The following MAPKAP1 variants were observed in gnomAD, a reference collection of about 807,000 sequenced individuals.
MAPKAP1 encodes target of rapamycin complex 2 subunit MAPKAP1.
Under a neutral mutation model 65.7 loss-of-function variants are expected in MAPKAP1, and 20 were observed. The ratio of observed to expected loss-of-function variants is 0.30; its 90% confidence interval spans 0.21 to 0.44. The LOEUF (loss-of-function observed/expected upper bound fraction) is 0.44. Among genes scored for constraint, MAPKAP1 ranks in the 20% least tolerant of loss-of-function variants. The pLI, the probability that MAPKAP1 is intolerant of heterozygous loss-of-function variation, is 1.00. For missense variants in MAPKAP1, 423 were observed against 648.0 expected (o/e 0.65, Z 3.77); for synonymous variants, 222 against 244.3 (o/e 0.91, Z 0.85).
chr9:125,530,865 C>T (rs1282623333), intron 7 of MAPKAP1, among the ~76,000 whole-genome samples: 1 of 152,192 alleles, frequency 6.6e-6, no homozygotes. Flanking sequence ...GGTTTTATGG[C>T]GTGCCTGGCA....
intron 6 of MAPKAP1, among the ~76,000 whole-genome samples, chr9:125,553,146 C>G (rs1379896937): frequency 6.6e-6 from 1 of 152,062 alleles, no homozygotes; most frequent in Non-Finnish European, 1.5e-5. Flanking sequence ...CTTCCATGTT[C>G]CCCATTTTCC....
chr9:125,477,850 G>A (rs1854166751), intron 9 of MAPKAP1, among the ~76,000 whole-genome samples: 1 of 152,136 alleles, frequency 6.6e-6, no homozygotes, highest in African/African-American at 2.4e-5. Context: ...CACAGGATCA[G>A]GTATATGGAA....
intron 4 of MAPKAP1, among the ~76,000 whole-genome samples, chr9:125,654,775 A>G (rs1320047187): frequency 1.3e-5 from 2 of 152,208 alleles, no homozygotes; most frequent in Non-Finnish European, 2.9e-5. Flanking sequence ...TAAGAACACT[A>G]TATGTGCCTG....
chr9:125,510,975 G>C (rs1829280725), intron 7 of MAPKAP1, among the ~76,000 whole-genome samples: 1 of 152,112 alleles, frequency 6.6e-6, no homozygotes, highest in African/African-American at 2.4e-5. Context: ...CTAAGTCCTG[G>C]CCAAGCAATT....
chr9:125,513,470 AAGAGG>A (rs1473103646), intron 7 of MAPKAP1, among the ~76,000 whole-genome samples: 5 of 152,224 alleles, frequency 3.3e-5, no homozygotes, highest in Admixed American at 2.0e-4. Context: ...TGTGAGCAGT[AAGAGG>A]AAAGGCTAGA....
At chr9:125,589,803 A>G (rs1831899135) in intron 4 of MAPKAP1, among the ~76,000 whole-genome samples, 1 of 152,046 alleles carries the variant, frequency 6.6e-6, no homozygotes, top group African/African-American at 2.4e-5. Context: ...TCTCCTACAT[A>G]ATGCATGCAC....
chr9:125,648,193 C>T (rs112897832), intron 4 of MAPKAP1, among the ~76,000 whole-genome samples: 1 of 152,204 alleles, frequency 6.6e-6, no homozygotes, highest in Middle Eastern at 3.2e-3. Context: ...AATACCAGCT[C>T]TGCCACACAC....
rs1852360635 is a variant in MAPKAP1, at chr9:125,438,156, C to T, written c.*731G>A. 1 of 391,042 alleles carries T rather than the reference C, an allele frequency of 2.6e-6. No homozygotes were observed. Among genetic ancestry groups the T allele is most frequent in the Non-Finnish European group, 4.5e-6 (1 of 221,786 alleles). The allele number at this position is 391,042 out of a possible 1,614,324, so 24.2% of individuals were successfully genotyped here. On this transcript the variant is annotated 3_prime_UTR_variant, in exon 12 of 12. Transcript: ENST00000265960. ...TGAGGACCAGCCACCGCCCCTCCTC[C>T]TGGCACCCCACACTGTCCACGCAGC...
intron 4 of MAPKAP1, among the ~76,000 whole-genome samples, chr9:125,599,235 A>G (rs1832232109): frequency 6.6e-6 from 1 of 152,186 alleles, no homozygotes; most frequent in African/African-American, 2.4e-5. Flanking sequence ...TGAAATATCA[A>G]CAAATGATTG....
chr9:125,679,774 T>C (rs776705070), intron 1 of MAPKAP1, among the ~76,000 whole-genome samples: 11 of 152,288 alleles, frequency 7.2e-5, no homozygotes, highest in Middle Eastern at 3.4e-3. Flanking sequence ...CTCACGTCTA[T>C]CCAATGGTTA....
intron 7 of MAPKAP1, among the ~76,000 whole-genome samples, chr9:125,525,871 A>G (rs1829750668): frequency 6.6e-6 from 1 of 152,160 alleles, no homozygotes; most frequent in African/African-American, 2.4e-5. Flanking sequence ...GAACTCAAAG[A>G]CAGAGAATGA....
chr9:125,455,685 G>A (rs780821189), intron 10 of MAPKAP1, among the ~76,000 whole-genome samples: 6 of 151,864 alleles, frequency 4.0e-5, no homozygotes, highest in Non-Finnish European at 2.9e-5. Context: ...AATTGCAAAT[G>A]TTTATCTGTA....
chr9:125,461,113 G>T (rs1030805346), intron 10 of MAPKAP1, among the ~76,000 whole-genome samples: 1 of 152,226 alleles, frequency 6.6e-6, no homozygotes, highest in African/African-American at 2.4e-5. Flanking sequence ...CTGTTTAACA[G>T]CAGATTGTGG....
chr9:125,598,037 T>C (rs1384490966), intron 4 of MAPKAP1, among the ~76,000 whole-genome samples: 1 of 151,212 alleles, frequency 6.6e-6, no homozygotes, highest in East Asian at 1.9e-4. Context: ...ATTCAGGTTT[T>C]ACGGGCTATG....
intron 10 of MAPKAP1, among the ~76,000 whole-genome samples, chr9:125,458,510 T>C (rs1436522767): frequency 1.3e-5 from 2 of 151,952 alleles, no homozygotes; most frequent in Non-Finnish European, 2.9e-5. Flanking sequence ...ACAGCACATG[T>C]TTCAGAGAGC....
At chr9:125,647,321 A>T (rs191604809) in intron 4 of MAPKAP1, among the ~76,000 whole-genome samples, 33 of 152,336 alleles carry the variant, frequency 2.2e-4, no homozygotes, top group Non-Finnish European at 1.5e-5. Flanking sequence ...AAGAATAATG[A>T]CATTTGAAAT....
intron 3 of MAPKAP1, among the ~76,000 whole-genome samples, chr9:125,667,324 G>GT (rs1277938499): frequency 6.6e-6 from 1 of 152,040 alleles, no homozygotes; most frequent in African/African-American, 2.4e-5. Context: ...TCTATTCACC[G>GT]TATTTTTGGG....
At chr9:125,476,529 C>A (rs1854117131) in intron 9 of MAPKAP1, among the ~76,000 whole-genome samples, 1 of 151,698 alleles carries the variant, frequency 6.6e-6, no homozygotes, top group African/African-American at 2.4e-5. Context: ...ATTACTTGAA[C>A]TGTACTCCAC....
At chr9:125,556,306 C>T (rs1039407169) in intron 6 of MAPKAP1, among the ~76,000 whole-genome samples, 1 of 152,242 alleles carries the variant, frequency 6.6e-6, no homozygotes. Context: ...CTGTCACCTA[C>T]TGCACTATAG....
Sources: gnomAD v4.1 joint callset for allele counts (sites outside exome capture counted in the v4.1 genomes callset) on GRCh38, gnomAD v4.1.1 for gene constraint, MANE v1.5 for transcripts, NCBI Gene and HGNC (gene_info 2026-07-23, HGNC 2026-07-21) for gene names.